Variants in DOCK3 observed in about 807,000 individuals in gnomAD.
DOCK3 encodes dedicator of cytokinesis protein 3.
Under a neutral mutation model 265.6 loss-of-function variants are expected in DOCK3, and 60 were observed. The observed-to-expected ratio is 0.23, with a 90% confidence interval of 0.18 to 0.28. The LOEUF (loss-of-function observed/expected upper bound fraction) is 0.28, where lower values mean the gene tolerates loss of function less well. Ranked by LOEUF, DOCK3 falls within the 10% of genes least tolerant of loss-of-function variation. The probability of loss-of-function intolerance (pLI) is 1.00; values close to 1 mark genes in which losing one functional copy is unlikely to be tolerated. For synonymous variants in DOCK3, 881 were observed against 938.0 expected, an observed-to-expected ratio of 0.94 and a Z score of 1.11; for missense variants, 1,981 against 2,594.3, an observed-to-expected ratio of 0.76 and a Z score of 5.14.
intron 25 of DOCK3, chr3:51,276,226 G>T: frequency 3.1e-6 from 1 of 320,242 alleles, no homozygotes; most frequent in Non-Finnish European, 4.5e-6. Context: ...TAGCTTGGCA[G>T]AGAGTGACTA....
intron 1 of DOCK3, among the ~76,000 whole-genome samples, chr3:50,724,288 A>G (rs888868202): frequency 2.6e-5 from 4 of 152,228 alleles, no homozygotes; most frequent in Non-Finnish European, 5.9e-5. Context: ...ACTGTGTGGC[A>G]ATTCCTCAGG....
At chr3:50,785,130 C>T (rs1347476678) in intron 2 of DOCK3, among the ~76,000 whole-genome samples, 1 of 152,168 alleles carries the variant, frequency 6.6e-6, no homozygotes, top group Non-Finnish European at 1.5e-5. Flanking sequence ...GCACTCCAGC[C>T]TGAGCGACAA....
intron 2 of DOCK3, among the ~76,000 whole-genome samples, chr3:50,808,330 C>CT (rs2043550337): frequency 6.6e-6 from 1 of 152,000 alleles, no homozygotes; most frequent in Non-Finnish European, 1.5e-5. Flanking sequence ...ATCCAGCAGG[C>CT]TTTTTTTGGG....
At chr3:51,278,679 CACAGTGCTTGCTGTG>C (rs2080950456) in intron 26 of DOCK3, among the ~76,000 whole-genome samples, 1 of 152,120 alleles carries the variant, frequency 6.6e-6, no homozygotes, top group South Asian at 2.1e-4. Context: ...CCAACACTTA[CACAGTGCTTGCTGTG>C]GGCCAGACCC....
At chr3:51,092,309 G>C (rs550461537) in intron 9 of DOCK3, among the ~76,000 whole-genome samples, 1 of 152,318 alleles carries the variant, frequency 6.6e-6, no homozygotes, top group African/African-American at 2.4e-5. Flanking sequence ...AGATCGACCT[G>C]GGATGCTCGA....
chr3:51,088,562 CAT>C (rs1434519350), intron 7 of DOCK3, among the ~76,000 whole-genome samples: 1 of 152,158 alleles, frequency 6.6e-6, no homozygotes, highest in Non-Finnish European at 1.5e-5. Context: ...TCAATTTAAA[CAT>C]TTTTAAAAAA....
chr3:51,349,696 T>C (rs909431434), intron 39 of DOCK3, among the ~76,000 whole-genome samples: 16 of 152,216 alleles, frequency 1.1e-4, no homozygotes, highest in African/African-American at 3.6e-4. Context: ...TTACAGACCT[T>C]GGAATGCTAG....
In DOCK3 at chr3:51,178,593, G is replaced by A. The variant is rs116900784; in HGVS notation, c.1037+17891G>A. On this transcript the variant is annotated intron_variant, in intron 12 of 52. Coordinates refer to ENST00000266037, the MANE Select transcript of DOCK3 (RefSeq NM_004947.5). The stretch of plus-strand genomic sequence containing the variant: ...GCCAGAGCTGGGGGACCTTGGAAGA[G>A]TCTCTGCCTCCAGCTCTTTACTGTT... Among the ~76,000 whole-genome samples the A allele has an allele frequency of 4.5e-4, 69 of 152,330 alleles. 2 individuals carry two copies. The East Asian group carries it at 0.013, about 29-fold the overall frequency.
At chr3:51,030,223 C>CT in intron 5 of DOCK3, among the ~76,000 whole-genome samples, 1 of 152,292 alleles carries the variant, frequency 6.6e-6, no homozygotes, top group Non-Finnish European at 1.5e-5. Context: ...TAACTTTGAT[C>CT]TTTTTTCTGA....
intron 1 of DOCK3, among the ~76,000 whole-genome samples, chr3:50,703,087 C>T (rs1381829897): frequency 6.6e-6 from 1 of 152,036 alleles, no homozygotes; most frequent in Non-Finnish European, 1.5e-5. Flanking sequence ...TTTTCTGCAT[C>T]CATTGATTTG....
intron 5 of DOCK3, among the ~76,000 whole-genome samples, chr3:50,982,575 G>C (rs1452261234): frequency 6.6e-6 from 1 of 152,202 alleles, no homozygotes. Context: ...TCCAGACCCT[G>C]GCCCTGTGTT....
intron 5 of DOCK3, among the ~76,000 whole-genome samples, chr3:51,025,486 T>C (rs2079776023): frequency 1.3e-5 from 2 of 152,078 alleles, no homozygotes; most frequent in African/African-American, 4.8e-5. Flanking sequence ...TGCCCCAGCC[T>C]ATAAGCTTCC....
chr3:51,017,415 G>A (rs1395341862), intron 5 of DOCK3, among the ~76,000 whole-genome samples: 1 of 151,230 alleles, frequency 6.6e-6, no homozygotes, highest in Admixed American at 6.6e-5. Context: ...AGTTTGGTTT[G>A]TGCTTGCTTT....
At chr3:50,777,539 T>C (rs1407110871) in intron 1 of DOCK3, among the ~76,000 whole-genome samples, 2 of 152,322 alleles carry the variant, frequency 1.3e-5, no homozygotes, top group African/African-American at 4.8e-5. Context: ...TCTTGTTATC[T>C]GTGAGCATGG....
chr3:51,375,966 C>A, intron 51 of DOCK3, 131 bp downstream of exon 51: 1 of 912,048 alleles, frequency 1.1e-6, no homozygotes, highest in South Asian at 1.5e-5. Context: ...GTCCAGAATT[C>A]TGACCAGTTC....
chr3:51,116,619 G>T (rs529439503), intron 9 of DOCK3, among the ~76,000 whole-genome samples: 18 of 152,088 alleles, frequency 1.2e-4, no homozygotes, highest in African/African-American at 3.9e-4. Context: ...CCATTTGTTT[G>T]TGTCCTCTCT....
intron 12 of DOCK3, among the ~76,000 whole-genome samples, chr3:51,205,220 C>T (rs2089116897): frequency 6.6e-6 from 1 of 151,266 alleles, no homozygotes; most frequent in African/African-American, 2.4e-5. Context: ...AAAGAAGGTC[C>T]ACATCTATCA....
At chr3:51,370,398 C>T (rs1446554616) in intron 49 of DOCK3, among the ~76,000 whole-genome samples, 1 of 152,210 alleles carries the variant, frequency 6.6e-6, no homozygotes, top group African/African-American at 2.4e-5. Flanking sequence ...CAAGGATGGA[C>T]ATTTGAACTC....
chr3:50,747,863 GA>G (rs935609433), intron 1 of DOCK3, among the ~76,000 whole-genome samples: 15 of 67,316 alleles, frequency 2.2e-4, no homozygotes, highest in Middle Eastern at 0.011. Context: ...GACTCTGTCT[GA>G]AAAAAAAAAG....
Sources: allele counts gnomAD v4.1 joint callset (sites outside exome capture counted in the v4.1 genomes callset), GRCh38; gene constraint gnomAD v4.1.1; transcripts MANE v1.5; gene names NCBI Gene and HGNC (gene_info 2026-07-23, HGNC 2026-07-21).